Variants in SSBP2 observed in about 807,000 individuals in gnomAD.
SSBP2 encodes single-stranded DNA-binding protein 2.
A neutral mutation model predicts 61.8 loss-of-function variants in SSBP2; 17 were observed. The ratio of observed to expected loss-of-function variants is 0.28; its 90% confidence interval spans 0.19 to 0.41. The LOEUF is 0.41. Among genes scored for constraint, SSBP2 ranks in the 10% least tolerant of loss-of-function variants. SSBP2 has a pLI of 1.00. For missense variants in SSBP2, 310 were observed against 458.7 expected, an observed-to-expected ratio of 0.68 and a Z score of 2.96; for synonymous variants, 139 against 141.3, an observed-to-expected ratio of 0.98 and a Z score of 0.12.
At chr5:81,590,593 G>T (rs1172073690) in intron 4 of SSBP2, among the ~76,000 whole-genome samples, 1 of 152,192 alleles carries the variant, frequency 6.6e-6, no homozygotes, top group East Asian at 1.9e-4. Context: ...CAGGGGGAAT[G>T]CTCGTCCATT....
chr5:81,540,883 T>C (rs919084987), intron 4 of SSBP2, among the ~76,000 whole-genome samples: 2 of 151,634 alleles, frequency 1.3e-5, no homozygotes, highest in Non-Finnish European at 2.9e-5. Flanking sequence ...GGTTAAATAT[T>C]AGAATTCCTG....
intron 4 of SSBP2, among the ~76,000 whole-genome samples, chr5:81,540,432 A>G (rs1236621601): frequency 6.6e-6 from 1 of 152,198 alleles, no homozygotes; most frequent in Non-Finnish European, 1.5e-5. Context: ...AGCAATCGCC[A>G]TTCTAACTGG....
chr5:81,684,605 C>T (rs1752631247), intron 1 of SSBP2, among the ~76,000 whole-genome samples: 1 of 152,164 alleles, frequency 6.6e-6, no homozygotes, highest in Non-Finnish European at 1.5e-5. Flanking sequence ...AATGACTGCC[C>T]TACTGGGTTT....
intron 4 of SSBP2, among the ~76,000 whole-genome samples, chr5:81,603,425 G>T (rs182614595): frequency 4.6e-5 from 7 of 152,232 alleles, no homozygotes; most frequent in African/African-American, 1.7e-4. Context: ...GGCTTCTTCT[G>T]ACCCAGCCTC....
At chr5:81,751,431 G>A (rs1757768401), upstream of SSBP2, among the ~76,000 whole-genome samples, 1 of 152,068 alleles carries the variant, frequency 6.6e-6, no homozygotes. Flanking sequence ...TCTCTCCGCC[G>A]CCACCCCTCC....
rs1554059155 is a variant in SSBP2, at chr5:81,415,922, A to AAGAAAAG, written c.*4581_*4582insCTTTTCT. The stretch of plus-strand genomic sequence containing the variant: ...GCAAGATTCTGACTCAAAAAAAAAA[A>AAGAAAAG]AAAAAAAGAGGAAAACCTGATCAAG... On this transcript the variant is annotated 3_prime_UTR_variant, in exon 17 of 17. Transcript: ENST00000320672. 1 of 73,744 alleles carries AAGAAAAG rather than the reference A, an allele frequency of 1.4e-5. No homozygotes were observed. Among genetic ancestry groups the AAGAAAAG allele is most frequent in the African/African-American group, 1.5e-4 (1 of 6,788 alleles). 4.6% of individuals were successfully genotyped at this position (73,744 alleles called of 1,614,324 possible). A position where few individuals can be genotyped will look rare whatever the true frequency, so the allele number is the denominator to read the frequency against.
intron 4 of SSBP2, among the ~76,000 whole-genome samples, chr5:81,602,321 T>C (rs1188081008): frequency 6.6e-6 from 1 of 152,204 alleles, no homozygotes; most frequent in Admixed American, 6.5e-5. Context: ...AATATAATTA[T>C]TTTTAAAACT....
intron 4 of SSBP2, among the ~76,000 whole-genome samples, chr5:81,614,185 C>T (rs1745755986): frequency 2.0e-5 from 3 of 151,978 alleles, no homozygotes; most frequent in Non-Finnish European, 4.4e-5. Context: ...ACGGTGAAAC[C>T]CCGTTTCTAC....
At chr5:81,556,045 T>C (rs1343799198) in intron 4 of SSBP2, among the ~76,000 whole-genome samples, 1 of 152,128 alleles carries the variant, frequency 6.6e-6, no homozygotes, top group Non-Finnish European at 1.5e-5. Flanking sequence ...TGGGCATGGC[T>C]ATGTTCCAAA....
intron 5 of SSBP2, among the ~76,000 whole-genome samples, chr5:81,504,641 A>G (rs990075872): frequency 2.0e-5 from 3 of 152,128 alleles, no homozygotes; most frequent in African/African-American, 7.2e-5. Context: ...AACTTTTGCA[A>G]TGCTGCCTAG....
At chr5:81,680,403 G>A (rs1188534237) in intron 1 of SSBP2, among the ~76,000 whole-genome samples, 3 of 149,014 alleles carry the variant, frequency 2.0e-5, no homozygotes, top group Non-Finnish European at 4.4e-5. Flanking sequence ...TCTGTTTCTT[G>A]GAGAACTCAA....
At chr5:81,590,670 G>A (rs1366997746) in intron 4 of SSBP2, among the ~76,000 whole-genome samples, 3 of 152,212 alleles carry the variant, frequency 2.0e-5, no homozygotes, top group Admixed American at 2.0e-4. Context: ...CAAGAGACTG[G>A]AGAGCCTCCC....
At chr5:81,475,488 C>T (rs1765526232) in intron 6 of SSBP2, among the ~76,000 whole-genome samples, 1 of 152,054 alleles carries the variant, frequency 6.6e-6, no homozygotes, top group Non-Finnish European at 1.5e-5. Flanking sequence ...TGCTTATAAG[C>T]ACACCAAATA....
intron 15 of SSBP2, among the ~76,000 whole-genome samples, chr5:81,433,046 G>A (rs1487239668): frequency 1.8e-4 from 27 of 151,760 alleles, no homozygotes; most frequent in African/African-American, 5.6e-4. Flanking sequence ...GCCTCTGCCC[G>A]GCCGCCCCTA....
chr5:81,471,739 G>C (rs973227773), intron 8 of SSBP2, among the ~76,000 whole-genome samples: 1 of 151,870 alleles, frequency 6.6e-6, no homozygotes, highest in African/African-American at 2.4e-5. Flanking sequence ...CTAAATAAAA[G>C]AAACTGGTTT....
chr5:81,689,606 CA>C (rs1025317231), intron 1 of SSBP2, among the ~76,000 whole-genome samples: 1 of 151,290 alleles, frequency 6.6e-6, no homozygotes, highest in African/African-American at 2.4e-5. Flanking sequence ...ATATATCCAG[CA>C]AAAATATCCT....
At chr5:81,436,908 G>C (rs1387347617) in intron 15 of SSBP2, among the ~76,000 whole-genome samples, 2 of 152,056 alleles carry the variant, frequency 1.3e-5, no homozygotes, top group African/African-American at 2.4e-5. Context: ...CTGCTTGTAC[G>C]AATATAATTT....
intron 2 of SSBP2, among the ~76,000 whole-genome samples, chr5:81,641,685 A>C (rs1166248069): frequency 6.6e-6 from 1 of 152,214 alleles, no homozygotes; most frequent in Non-Finnish European, 1.5e-5. Context: ...CCTGTAGAAA[A>C]CTAAACCACA....
At chr5:81,743,812 G>A (rs1395672792) in intron 1 of SSBP2, among the ~76,000 whole-genome samples, 2 of 152,192 alleles carry the variant, frequency 1.3e-5, no homozygotes, top group African/African-American at 4.8e-5. Context: ...GTGTAAGGGA[G>A]TGATGCTGGG....
Sources: gnomAD v4.1 joint callset for allele counts (sites outside exome capture counted in the v4.1 genomes callset) on GRCh38, gnomAD v4.1.1 for gene constraint, MANE v1.5 for transcripts, NCBI Gene and HGNC (gene_info 2026-07-23, HGNC 2026-07-21) for gene names.